The following ACTR3 variants were observed in gnomAD, a reference collection of about 807,000 sequenced individuals.
ACTR3 encodes the protein actin-related protein 3.
A neutral mutation model predicts 56.8 loss-of-function variants in ACTR3; 12 were observed. The ratio of observed to expected loss-of-function variants is 0.21; its 90% CI spans 0.14 to 0.34. ACTR3 has a LOEUF of 0.34. Among genes scored for constraint, ACTR3 ranks in the 10% least tolerant of loss-of-function variants. ACTR3 has a pLI of 1.00. For synonymous variants in ACTR3, 162 were observed against 167.4 expected, an observed-to-expected ratio of 0.97 and a Z score of 0.25; for missense variants, 282 against 512.5, an observed-to-expected ratio of 0.55 and a Z score of 4.34.
chr2:113,934,663 ATG>A (rs1679791170), intron 6 of ACTR3: 1 of 222,322 alleles, frequency 4.5e-6, no homozygotes, highest in Non-Finnish European at 8.7e-6. Flanking sequence ...TTCCAGTTGG[ATG>A]TGTGTTAGCC....
At chr2:113,929,765 G>A (rs1381053754) in intron 4 of ACTR3, among the ~76,000 whole-genome samples, 1 of 151,788 alleles carries the variant, frequency 6.6e-6, no homozygotes, top group African/African-American at 2.4e-5. Flanking sequence ...AAACCTCCCC[G>A]CCTCCCAGGT....
At chr2:113,939,097 C>T (rs1299075913) in intron 6 of ACTR3, among the ~76,000 whole-genome samples, 1 of 151,484 alleles carries the variant, frequency 6.6e-6, no homozygotes, top group Non-Finnish European at 1.5e-5. Context: ...GATCTCGACT[C>T]ACTGCAAGCT....
chr2:113,909,627 T>C (rs937750956), intron 1 of ACTR3, among the ~76,000 whole-genome samples: 2 of 151,350 alleles, frequency 1.3e-5, no homozygotes, highest in African/African-American at 4.8e-5. Flanking sequence ...TGTTGTTTTT[T>C]TTTTTTTGGG....
intron 8 of ACTR3, 27 bp downstream of exon 8, chr2:113,942,386 A>G: frequency 6.7e-7 from 1 of 1,491,506 alleles, no homozygotes; most frequent in Non-Finnish European, 9.0e-7. Context: ...GAATTGTTTA[A>G]AAGTATTCAG....
rs558421510 is a variant in ACTR3, at chr2:113,929,141, G to T, written c.336+1686G>T. Among the ~76,000 whole-genome samples, 314 of 143,354 alleles carry T rather than the reference G, an allele frequency of 2.2e-3. 4 individuals are homozygous for T. In the East Asian group the frequency reaches 0.039, roughly 18 times the overall value. The allele number at this position is 143,354 out of a possible 152,430, so 94.0% of individuals were successfully genotyped here. A position where few individuals can be genotyped will look rare whatever the true frequency, so the allele number is the denominator to read the frequency against. On this transcript the variant is annotated intron_variant, in intron 4 of 11. Transcript: ENST00000263238. ...CCTGGGCTATTTTTGTTTTTTTTTT[G>T]TTTTTGTTTTTGTTTTTTTAAGACA...
intron 4 of ACTR3, among the ~76,000 whole-genome samples, chr2:113,928,596 A>T (rs1385203691): frequency 2.6e-5 from 4 of 152,168 alleles, no homozygotes; most frequent in African/African-American, 4.8e-5. Context: ...ACTTAATGAG[A>T]ACTTTTTATA....
chr2:113,918,066 A>G (rs1679440714), intron 3 of ACTR3, among the ~76,000 whole-genome samples: 1 of 152,332 alleles, frequency 6.6e-6, no homozygotes, highest in South Asian at 2.1e-4. Context: ...TGCATGACCA[A>G]TATGCCTGAA....
At chr2:113,894,083 A>C (rs1678958322) in intron 1 of ACTR3, among the ~76,000 whole-genome samples, 1 of 151,694 alleles carries the variant, frequency 6.6e-6, no homozygotes, top group South Asian at 2.1e-4. Context: ...GTTTAATAAT[A>C]ATGCTGTTTC....
At chr2:113,951,296 A>G in intron 8 of ACTR3, 183 bp from the exon 9 acceptor site, 2 of 513,174 alleles carry the variant, frequency 3.9e-6, no homozygotes, top group Non-Finnish European at 3.6e-6. Context: ...ATAAAATGGT[A>G]TATATCATCA....
chr2:113,903,883 G>C (rs1207223774), intron 1 of ACTR3, among the ~76,000 whole-genome samples: 1 of 149,808 alleles, frequency 6.7e-6, no homozygotes, highest in Admixed American at 6.6e-5. Context: ...TTGAGACAGA[G>C]TCTTACTCTG....
At chr2:113,954,986 C>T (rs573048528) in intron 10 of ACTR3, 17 of 152,264 alleles carry the variant, frequency 1.1e-4, no homozygotes, top group African/African-American at 4.1e-4. Flanking sequence ...CTCTAGTTTT[C>T]TGCCCTTCCA....
Position 113,958,095 on chromosome 2 carries a change from A to G in ACTR3, c.*640A>G, listed in dbSNP as rs1680256485. The G allele has an allele frequency of 6.6e-6, 1 of 152,504 alleles. No individual in the cohort carries two copies. The highest frequency in any genetic ancestry group is 2.4e-5 in the African/African-American group (1 of 41,414). The allele number at this position is 152,504 out of a possible 1,614,324, so 9.4% of individuals were successfully genotyped here. A position where few individuals can be genotyped will look rare whatever the true frequency, so the allele number is the denominator to read the frequency against. ...CTGCTAGTGCTTTCTGATTACTCGC[A>G]TTCTGTTTCTTGCTTTAAAAGAAGA... On this transcript the variant is annotated 3_prime_UTR_variant, in exon 12 of 12. Coordinates refer to ENST00000263238, the MANE Select transcript of ACTR3 (RefSeq NM_005721.5).
chr2:113,937,593 C>T (rs996951444), intron 6 of ACTR3, among the ~76,000 whole-genome samples: 1 of 152,130 alleles, frequency 6.6e-6, no homozygotes, highest in African/African-American at 2.4e-5. Flanking sequence ...TCTTTATTCT[C>T]CTTTAGTTTT....
At chr2:113,920,600 G>A (rs1679489629) in intron 3 of ACTR3, among the ~76,000 whole-genome samples, 1 of 152,158 alleles carries the variant, frequency 6.6e-6, no homozygotes, top group Admixed American at 6.6e-5. Context: ...TTGCTATCCA[G>A]CTGTAATTTT....
chr2:113,901,829 A>T (rs899835743), intron 1 of ACTR3, among the ~76,000 whole-genome samples: 3 of 152,250 alleles, frequency 2.0e-5, no homozygotes, highest in Non-Finnish European at 2.9e-5. Context: ...CATTGGCTTC[A>T]AAGTCACCAC....
chr2:113,954,973 T>A (rs1680186117), intron 10 of ACTR3: 1 of 152,186 alleles, frequency 6.6e-6, no homozygotes, highest in Non-Finnish European at 1.5e-5. Context: ...TATAGAAGGT[T>A]CACTCTAGTT....
intron 1 of ACTR3, among the ~76,000 whole-genome samples, chr2:113,899,898 G>A (rs1403401): frequency 0.46 from 70,048 of 152,086 alleles, 20,078 homozygotes; most frequent in Middle Eastern, 0.66. Context: ...GTTGGGAGCT[G>A]TGGGACAGCA....
intron 7 of ACTR3, among the ~76,000 whole-genome samples, chr2:113,941,077 G>A (rs1679916495): frequency 6.6e-6 from 1 of 152,090 alleles, no homozygotes; most frequent in Non-Finnish European, 1.5e-5. Context: ...GAATCTCAAA[G>A]TGCTGGATGT....
chr2:113,899,082 CAT>C (rs769712672), intron 1 of ACTR3, among the ~76,000 whole-genome samples: 5 of 152,062 alleles, frequency 3.3e-5, no homozygotes, highest in African/African-American at 1.2e-4. Flanking sequence ...AAATATGAAA[CAT>C]ATAGGGAGGT....
Sources: gnomAD v4.1 joint callset for allele counts (sites outside exome capture counted in the v4.1 genomes callset) on GRCh38, gnomAD v4.1.1 for gene constraint, MANE v1.5 for transcripts, NCBI Gene and HGNC (gene_info 2026-07-23, HGNC 2026-07-21) for gene names.